ZNF722: variants seen among roughly 807,000 people sequenced by gnomAD.
The protein encoded by ZNF722 is zinc finger protein 722.
chr7:64,011,898 G>A, the ZNF722 span, among the ~76,000 whole-genome samples: 3 of 152,270 alleles, frequency 2.0e-5, no homozygotes, highest in Non-Finnish European at 2.9e-5. Context: ...ATCAAACATA[G>A]ATTTGGTCTT....
chr7:64,006,389 GA>G, the ZNF722 span: 15 of 1,044,524 alleles, frequency 1.4e-5, no homozygotes, highest in Non-Finnish European at 2.1e-5. Flanking sequence ...GCCAGTCCTT[GA>G]AATGTGGTCT....
At chr7:64,004,382 C>T in the ZNF722 span, among the ~76,000 whole-genome samples, 1 of 132,634 alleles carries the variant, frequency 7.5e-6, no homozygotes, top group East Asian at 2.2e-4. Flanking sequence ...GCACTCCAGC[C>T]TGGGTGACAG....
chr7:64,004,419 AAAAAAAATAT>A, the ZNF722 span, among the ~76,000 whole-genome samples: 1 of 71,868 alleles, frequency 1.4e-5, no homozygotes, highest in African/African-American at 6.2e-5. Context: ...TTAAAAAAAA[AAAAAAAATAT>A]ATATATATAT....
At chr7:64,014,899 A>G in the ZNF722 span, 2 of 737,420 alleles carry the variant, frequency 2.7e-6, no homozygotes, top group Non-Finnish European at 2.2e-6. Flanking sequence ...CTATGAAGGA[A>G]TTATGGCCTG....
the ZNF722 span, among the ~76,000 whole-genome samples, chr7:64,000,667 T>C: frequency 6.6e-6 from 1 of 151,418 alleles, no homozygotes; most frequent in Non-Finnish European, 1.5e-5. Flanking sequence ...GCCAGGCTGG[T>C]CTCAAACTCC....
the ZNF722 span, among the ~76,000 whole-genome samples, chr7:64,007,320 C>T: frequency 6.6e-6 from 1 of 150,464 alleles, no homozygotes; most frequent in Non-Finnish European, 1.5e-5. Flanking sequence ...TATACATGTG[C>T]CATGTTGGTT....
the ZNF722 span, among the ~76,000 whole-genome samples, chr7:64,014,784 C>CT: frequency 2.3e-4 from 35 of 152,228 alleles, 1 homozygote; most frequent in East Asian, 6.0e-3. Flanking sequence ...CTTTTCTTTT[C>CT]TTTCTATATG....
chr7:64,016,063 AATTTTAT>A, the ZNF722 span: 1 of 610,338 alleles, frequency 1.6e-6, no homozygotes, highest in African/African-American at 1.9e-5. Flanking sequence ...ATTGGACAAA[AATTTTAT>A]AAATGTAAAA....
At chr7:64,016,470 C>T in the ZNF722 span, among the ~76,000 whole-genome samples, 1 of 152,016 alleles carries the variant, frequency 6.6e-6, no homozygotes, top group Non-Finnish European at 1.5e-5. Flanking sequence ...CCTTTAAGCA[C>T]ATCTCAGGCC....
the ZNF722 span, among the ~76,000 whole-genome samples, chr7:64,007,004 TATG>T: frequency 6.6e-6 from 1 of 151,726 alleles, no homozygotes; most frequent in Non-Finnish European, 1.5e-5. Context: ...GAAGGACATT[TATG>T]ATATTTTTAT....
chr7:64,006,768 C>CTA, the ZNF722 span, among the ~76,000 whole-genome samples: 1 of 151,816 alleles, frequency 6.6e-6, no homozygotes, highest in African/African-American at 2.4e-5. Context: ...GTTTTTATTA[C>CTA]TATAGCCTTG....
At chr7:64,012,590 C>A in the ZNF722 span, among the ~76,000 whole-genome samples, 2 of 152,122 alleles carry the variant, frequency 1.3e-5, no homozygotes, top group East Asian at 3.9e-4. Flanking sequence ...TGAGATTACA[C>A]CTGTGAGCCA....
At chr7:63,999,349 A>G in the ZNF722 span, among the ~76,000 whole-genome samples, 5 of 152,176 alleles carry the variant, frequency 3.3e-5, no homozygotes, top group Admixed American at 3.3e-4. Flanking sequence ...ATAAGTGGTA[A>G]GAGCTGTGGT....
chr7:64,014,797 T>G, the ZNF722 span, among the ~76,000 whole-genome samples: 1 of 152,214 alleles, frequency 6.6e-6, no homozygotes, highest in Non-Finnish European at 1.5e-5. Context: ...TCTATATGGC[T>G]TTTGACATTG....
the ZNF722 span, chr7:64,015,195 G>C: frequency 7.7e-7 from 1 of 1,295,576 alleles, no homozygotes; most frequent in Non-Finnish European, 1.1e-6. Flanking sequence ...AGGTTATAAT[G>C]AAGTTAAGCA....
chr7:64,004,419 AAAAAAAATATATATATATATATATAT>A, the ZNF722 span, among the ~76,000 whole-genome samples: 1 of 71,830 alleles, frequency 1.4e-5, no homozygotes, highest in South Asian at 5.0e-4. Flanking sequence ...TTAAAAAAAA[AAAAAAAATATATATATATATATATAT>A]ATATATATAT....
the ZNF722 span, chr7:64,015,563 G>T: frequency 6.2e-7 from 1 of 1,613,686 alleles, no homozygotes; most frequent in East Asian, 2.2e-5. Context: ...ATACTGGAGA[G>T]AAACCCTACA....
At chr7:64,008,708 T>G in the ZNF722 span, among the ~76,000 whole-genome samples, 3 of 152,214 alleles carry the variant, frequency 2.0e-5, no homozygotes, top group South Asian at 4.1e-4. Flanking sequence ...TTTGGCTTAG[T>G]ATTGTCTTGG....
the ZNF722 span, chr7:64,015,207 T>A: frequency 7.8e-7 from 1 of 1,277,092 alleles, no homozygotes; most frequent in African/African-American, 1.4e-5. Context: ...AGTTAAGCAA[T>A]GTTTGTCAAA....
Sources: gnomAD v4.1 joint callset for allele counts (sites outside exome capture counted in the v4.1 genomes callset) on GRCh38, gnomAD v4.1.1 for gene constraint, MANE v1.5 for transcripts, NCBI Gene and HGNC (gene_info 2026-07-23, HGNC 2026-07-21) for gene names.